Variants in GRIN2A observed in about 807,000 individuals in gnomAD.
GRIN2A encodes the protein glutamate receptor ionotropic, NMDA 2A.
A neutral mutation model predicts 113.4 loss-of-function variants in GRIN2A; 22 were observed. The ratio of observed to expected loss-of-function variants is 0.19; its 90% CI spans 0.14 to 0.28. The LOEUF (loss-of-function observed/expected upper bound fraction) is 0.28. Among genes scored for constraint, GRIN2A ranks in the 10% least tolerant of loss-of-function variants. GRIN2A has a pLI of 1.00. For synonymous variants in GRIN2A, 827 were observed against 738.4 expected, an observed-to-expected ratio of 1.12 and a Z score of -1.94; for missense variants, 1,502 against 1,887.0, an observed-to-expected ratio of 0.80 and a Z score of 3.78.
At chr16:9,947,114 C>G (rs927910087) in intron 2 of GRIN2A, among the ~76,000 whole-genome samples, 3 of 152,168 alleles carry the variant, frequency 2.0e-5, no homozygotes, top group Non-Finnish European at 2.9e-5. Context: ...TAGTGCATCT[C>G]TCTTCATCAT....
chr16:9,813,216 C>G (rs145838488), intron 10 of GRIN2A, among the ~76,000 whole-genome samples: 20 of 152,344 alleles, frequency 1.3e-4, no homozygotes, highest in East Asian at 9.6e-4. Flanking sequence ...GAAATTATCA[C>G]CTGGTCCTTA....
chr16:9,923,714 C>A (rs2044400215), intron 3 of GRIN2A, among the ~76,000 whole-genome samples: 1 of 152,096 alleles, frequency 6.6e-6, no homozygotes, highest in Admixed American at 6.5e-5. Context: ...GATTTCCCTG[C>A]TAATCTTTGT....
chr16:9,841,971 G>T (rs1187152256), intron 5 of GRIN2A, among the ~76,000 whole-genome samples: 1 of 152,212 alleles, frequency 6.6e-6, no homozygotes, highest in African/African-American at 2.4e-5. Flanking sequence ...AAGAAAGGAG[G>T]CCGGGTATGG....
chr16:9,938,914 C>T lies in GRIN2A; in HGVS notation c.415-363G>A, dbSNP rs576217139. On this transcript the variant is annotated intron_variant, in intron 2 of 12. Coordinates refer to ENST00000330684, the MANE Select transcript of GRIN2A (RefSeq NM_001134407.3). The stretch of plus-strand genomic sequence containing the variant: ...AGCTCATGACCGGAAAATCAAGCCA[C>T]GGAAATAAAACAGCATCAGCAAAGA... Among the ~76,000 whole-genome samples the T allele has an allele frequency of 3.5e-4, 54 of 152,182 alleles. 1 individual carries two copies. Among genetic ancestry groups the T allele is most frequent in the Admixed American group, 3.1e-3 (48 of 15,282 alleles).
chr16:9,900,222 C>T (rs1333343948), intron 3 of GRIN2A, among the ~76,000 whole-genome samples: 1 of 152,154 alleles, frequency 6.6e-6, no homozygotes, highest in Non-Finnish European at 1.5e-5. Context: ...TAATTCCAGT[C>T]CCCGAAGGGA....
chr16:10,011,193 A>G (rs2046497842), intron 2 of GRIN2A, among the ~76,000 whole-genome samples: 1 of 152,194 alleles, frequency 6.6e-6, no homozygotes, highest in Admixed American at 6.5e-5. Flanking sequence ...CTTATCAGTA[A>G]TTACAGATGT....
rs563104839 is a variant in GRIN2A at position 9,855,591 on chromosome 16, A to G, written c.1123-5630T>C. Among the ~76,000 whole-genome samples, 7 of 152,330 alleles carry G rather than the reference A, an allele frequency of 4.6e-5. No homozygotes were observed. In the East Asian group the frequency reaches 1.3e-3, roughly 29 times the overall value. ...AGATAATCTCTAAGGTCTTTCAGGT[A>G]TAGCACTCTATGTAAAATGCAAGGA... On this transcript the variant is annotated intron_variant, in intron 4 of 12. Coordinates refer to ENST00000330684, the MANE Select transcript of GRIN2A (RefSeq NM_001134407.3).
At chr16:10,011,881 C>G (rs942868474) in intron 2 of GRIN2A, among the ~76,000 whole-genome samples, 4 of 152,128 alleles carry the variant, frequency 2.6e-5, no homozygotes, top group Admixed American at 6.5e-5. Context: ...ACATGCTACA[C>G]CAAGCTGCTC....
chr16:10,117,268 T>C (rs1345510401), intron 2 of GRIN2A, among the ~76,000 whole-genome samples: 2 of 152,180 alleles, frequency 1.3e-5, no homozygotes, highest in African/African-American at 2.4e-5. Context: ...TCACTTTTAA[T>C]AGAAAATACC....
At chr16:10,052,370 G>C (rs186165854) in intron 2 of GRIN2A, among the ~76,000 whole-genome samples, 1 of 152,348 alleles carries the variant, frequency 6.6e-6, no homozygotes, top group Admixed American at 6.5e-5. Flanking sequence ...CAGAGCTGGT[G>C]TTTGAACTTG....
At chr16:9,909,229 C>G (rs1342081372) in intron 3 of GRIN2A, among the ~76,000 whole-genome samples, 2 of 152,154 alleles carry the variant, frequency 1.3e-5, no homozygotes, top group African/African-American at 2.4e-5. Context: ...TTCACTATCA[C>G]AAGAAAAGCA....
chr16:10,010,063 G>A (rs1043381993), intron 2 of GRIN2A, among the ~76,000 whole-genome samples: 16 of 152,368 alleles, frequency 1.1e-4, no homozygotes, highest in East Asian at 5.8e-4. Flanking sequence ...AAACAAGCAC[G>A]ACTGTGAATT....
At chr16:10,131,565 C>T (rs1695144726) in intron 2 of GRIN2A, among the ~76,000 whole-genome samples, 1 of 151,906 alleles carries the variant, frequency 6.6e-6, no homozygotes, top group South Asian at 2.1e-4. Flanking sequence ...CTGAGAGAGG[C>T]TTCAAATGCA....
At chr16:10,018,707 T>C (rs837701) in intron 2 of GRIN2A, among the ~76,000 whole-genome samples, 104,630 of 151,972 alleles carry the variant, frequency 0.69, 36,475 homozygotes, top group Middle Eastern at 0.8. Context: ...TGCCAGTCAC[T>C]CCCCACACAC....
chr16:9,762,145 G>T lies in GRIN2A; in HGVS notation c.*1004C>A. 1 of 215,872 alleles carries T rather than the reference G, an allele frequency of 4.6e-6. No individual in the cohort carries two copies. Among genetic ancestry groups the T allele is most frequent in the Non-Finnish European group, 9.4e-6 (1 of 106,700 alleles). 13.4% of individuals were successfully genotyped at this position (215,872 alleles called of 1,614,324 possible). ...CACCACATTAACAACTCTGGGAAGA[G>T]CGATACACAGCTAATTGGACACCAC... is the stretch of plus-strand genomic sequence containing the variant. On this transcript the variant is annotated 3_prime_UTR_variant, in exon 13 of 13. Transcript: ENST00000330684.
intron 1 of GRIN2A, among the ~76,000 whole-genome samples, chr16:10,181,021 G>T (rs1269841037): frequency 1.3e-5 from 2 of 152,160 alleles, no homozygotes; most frequent in Admixed American, 1.3e-4. Context: ...TCTACGCCCA[G>T]CCCCAACTAC....
intron 11 of GRIN2A, among the ~76,000 whole-genome samples, chr16:9,784,441 CAA>C (rs71400493): frequency 7.9e-6 from 1 of 126,664 alleles, no homozygotes. Flanking sequence ...CAACAACAAC[CAA>C]AAAAAAAAAA....
At chr16:10,092,645 G>C (rs1272187969) in intron 2 of GRIN2A, among the ~76,000 whole-genome samples, 1 of 152,044 alleles carries the variant, frequency 6.6e-6, no homozygotes, top group African/African-American at 2.4e-5. Flanking sequence ...AACTCTATGA[G>C]GTCAGTTCTA....
chr16:10,045,267 C>T (rs981350815), intron 2 of GRIN2A, among the ~76,000 whole-genome samples: 1 of 152,192 alleles, frequency 6.6e-6, no homozygotes, highest in Non-Finnish European at 1.5e-5. Flanking sequence ...TTGTTAATAA[C>T]ACAGATGGCC....
Sources: allele counts gnomAD v4.1 joint callset (sites outside exome capture counted in the v4.1 genomes callset), GRCh38; gene constraint gnomAD v4.1.1; transcripts MANE v1.5; gene names NCBI Gene and HGNC (gene_info 2026-07-23, HGNC 2026-07-21).